PGLS: variants seen among roughly 807,000 people sequenced by gnomAD.
PGLS encodes epididymis secretory protein Li 304.
In PGLS, 21 loss-of-function variants were observed where a neutral mutation model predicts 23.2. That is an observed-to-expected ratio of 0.91 (90% CI 0.64 to 1.31). The LOEUF is 1.31. PGLS is among the 50% of genes most tolerant of loss of function. The probability of loss-of-function intolerance (pLI) is 0.00; values close to 1 mark genes in which losing one functional copy is unlikely to be tolerated. For synonymous variants in PGLS, 179 were observed against 165.4 expected (o/e 1.08, Z -0.63); for missense variants, 410 against 354.0 (o/e 1.16, Z -1.27).
At chr19:17,516,088 T>C in intron 1 of PGLS, 85 bp from the exon 2 acceptor site, 1 of 972,100 alleles carries the variant, frequency 1.0e-6, no homozygotes. Flanking sequence ...TGTAAATGAG[T>C]GTTATGACGG....
Position 17,516,199 on chromosome 19 carries a change from C to T in PGLS, c.315C>T (p.Ile105=), listed in dbSNP as rs1430186559. 3.1e-6 allele frequency: 5 copies of T among 1,614,000 alleles called. No individual in the cohort carries two copies. The East Asian group carries it at 8.9e-5, about 29-fold the overall frequency. Residue 105 remains isoleucine, a synonymous_variant, in exon 2 of 5, where the codon ATC becomes ATT. Coordinates refer to ENST00000252603, the MANE Select transcript of PGLS (RefSeq NM_012088.3). ...YRTHLLSRLP[I]PESQVITINP... ...CGCATCTTCTCTCCAGACTGCCGATCCCAGAAAGCCAGGTGATCACCATTA... is the reference window on the plus strand; with the variant it reads ...CGCATCTTCTCTCCAGACTGCCGATTCCAGAAAGCCAGGTGATCACCATTA...
rs1299996912 is a variant in PGLS at position 17,511,849 on chromosome 19, C to A, written c.177C>A (p.Pro59=). 2 of 1,530,876 alleles carry A rather than the reference C, an allele frequency of 1.3e-6. No homozygotes were observed. Among genetic ancestry groups the A allele is most frequent in the Admixed American group, 4.0e-5 (2 of 50,448 alleles). 94.8% of individuals were successfully genotyped at this position (1,530,876 alleles called of 1,614,324 possible). A position where few individuals can be genotyped will look rare whatever the true frequency, so the allele number is the denominator to read the frequency against. ...SLVSMLAREL[P]AAVAPAGPAS... ...TCTCGATGCTAGCCCGCGAGCTACC[C>A]GCCGCCGTCGCCCCTGCCGGGCCAG... The change falls in exon 1 of 5, where the codon CCC becomes CCA. Residue 59 remains proline, a synonymous_variant. Transcript: ENST00000252603.
In PGLS at chr19:17,516,239, G is replaced by A. The variant is rs758955599; in HGVS notation, c.355G>A (p.Val119Met). 6.2e-7 allele frequency: 1 copy of A among 1,614,002 alleles called. No individual in the cohort carries two copies. The highest frequency in any genetic ancestry group is 1.3e-5 in the African/African-American group (1 of 74,946). Residue 119 changes from valine to methionine, a missense_variant, in exon 2 of 5, where the codon GTG becomes ATG. Transcript: ENST00000252603. ...GATCACCATTAACCCCGAGCTGCCTGTGGAGGAGGCGGCTGAGGACTACGC... is the reference window on the plus strand; with the variant it reads ...GATCACCATTAACCCCGAGCTGCCTATGGAGGAGGCGGCTGAGGACTACGC... ...QVITINPELP[V>M]EEAAEDYAKK...
rs553152110 is a variant in PGLS at position 17,515,381 on chromosome 19, C to T, written c.289-792C>T. 2.6e-5 allele frequency among the ~76,000 whole-genome samples: 4 copies of T among 152,260 alleles called. No individual in the cohort carries two copies. The South Asian group carries it at 8.3e-4, about 32-fold the overall frequency. On this transcript the variant is annotated intron_variant, in intron 1 of 4. Transcript: ENST00000252603. The stretch of plus-strand genomic sequence containing the variant: ...CAAACACGAGGCACCGAGACATGGA[C>T]GCCATCTCAGAGCAGACCAGGGCCC...
intron 4 of PGLS, among the ~76,000 whole-genome samples, chr19:17,520,071 T>G (rs948344626): frequency 4.6e-5 from 7 of 152,162 alleles, no homozygotes; most frequent in African/African-American, 1.7e-4. Flanking sequence ...GAGGATCACT[T>G]GAGCCTCAGA....
In PGLS at chr19:17,511,801, C is replaced by T. The variant is rs1340901369; in HGVS notation, c.129C>T (p.Leu43=). The change falls in exon 1 of 5, where the codon CTC becomes CTT. Residue 43 remains leucine, a synonymous_variant. Coordinates refer to ENST00000252603, the MANE Select transcript of PGLS (RefSeq NM_012088.3). ...CAGGGGCCCGCGCCCGTTTCGCGCT[C>T]GGCCTGTCGGGCGGGAGCCTCGTCT... The part of the protein sequence containing the change: ...CLAGARARFA[L]GLSGGSLVSM... The T allele has an allele frequency of 3.3e-6, 5 of 1,503,884 alleles. No individual in the cohort carries two copies. Among genetic ancestry groups the T allele is most frequent in the South Asian group, 1.2e-5 (1 of 81,002 alleles). The allele number at this position is 1,503,884 out of a possible 1,614,324, so 93.2% of individuals were successfully genotyped here. A position where few individuals can be genotyped will look rare whatever the true frequency, so the allele number is the denominator to read the frequency against.
intron 4 of PGLS, among the ~76,000 whole-genome samples, 165 bp downstream of exon 4, chr19:17,518,015 A>G (rs1568433404): frequency 1.3e-5 from 2 of 152,044 alleles, no homozygotes; most frequent in African/African-American, 2.4e-5. Context: ...AAAGGAAAAA[A>G]AAAAAAAAAA....
At chr19:17,516,729 T>C (rs564091534) in intron 2 of PGLS, among the ~76,000 whole-genome samples, 2 of 151,882 alleles carry the variant, frequency 1.3e-5, no homozygotes, top group South Asian at 4.1e-4. Flanking sequence ...GGACTACGGG[T>C]GCCCGCCACC....
rs2075511432 is a variant in PGLS at position 17,512,166 on chromosome 19, A to G, written c.288+206A>G. ...ACGTGGGTCGCTGGGGGTCATGCCA[A>G]GAGGGCCGCGCCCACCGGTTGCCCT... is the stretch of plus-strand genomic sequence containing the variant. On this transcript the variant is annotated intron_variant, in intron 1 of 4. Transcript: ENST00000252603. 7.1e-6 allele frequency: 4 copies of G among 560,016 alleles called. No homozygotes were observed. The East Asian group carries it at 1.1e-4, about 15-fold the overall frequency. The allele number at this position is 560,016 out of a possible 1,614,324, so 34.7% of individuals were successfully genotyped here. A position where few individuals can be genotyped will look rare whatever the true frequency, so the allele number is the denominator to read the frequency against.
chr19:17,520,731 AAAAT>A (rs536880621), intron 4 of PGLS, among the ~76,000 whole-genome samples: 5 of 152,120 alleles, frequency 3.3e-5, no homozygotes, highest in African/African-American at 9.6e-5. Context: ...ACTCCATCTC[AAAAT>A]AAATAAATAA....
In PGLS at chr19:17,517,823, T is replaced by C. The variant is rs1309338905; in HGVS notation, c.612T>C (p.Thr204=). 6.2e-7 allele frequency: 1 copy of C among 1,613,962 alleles called. No individual in the cohort carries two copies. Among genetic ancestry groups the C allele is most frequent in the East Asian group, 2.2e-5 (1 of 44,890 alleles). The change falls in exon 4 of 5, where the codon ACT becomes ACC. Residue 204 remains threonine (T), a synonymous_variant. Coordinates refer to ENST00000252603, the MANE Select transcript of PGLS (RefSeq NM_012088.3). ...CACGAACTGTCATCTTTGTGGCAAC[T>C]GGAGAAGGCAAGGCAGCTGTTCTGA... ...NAARTVIFVA[T]GEGKAAVLKR...
At chr19:17,516,103 G>A in intron 1 of PGLS, 70 bp from the exon 2 acceptor site, 1 of 1,183,018 alleles carries the variant, frequency 8.5e-7, no homozygotes, top group Non-Finnish European at 1.3e-6. Flanking sequence ...TGACGGTACT[G>A]TCATAAACTC....
intron 4 of PGLS, chr19:17,518,205 G>A (rs1006818275): frequency 1.2e-5 from 2 of 167,228 alleles, no homozygotes; most frequent in African/African-American, 4.8e-5. Flanking sequence ...TTAGAAAAAG[G>A]ACAATAATAT....
rs753771674 is a variant in PGLS at position 17,511,669 on chromosome 19, C to A, written c.-4C>A. 5 of 1,482,954 alleles carry A rather than the reference C, an allele frequency of 3.4e-6. No individual in the cohort carries two copies. In the African/African-American group the frequency reaches 7.4e-5, roughly 22 times the overall value. 91.9% of individuals were successfully genotyped at this position (1,482,954 alleles called of 1,614,324 possible). A position where few individuals can be genotyped will look rare whatever the true frequency, so the allele number is the denominator to read the frequency against. ...GCTTCCTCCTCCCCGCCGCCGCCCT[C>A]GCCATGGCCGCGCCGGCCCCGGGCC... On this transcript the variant is annotated 5_prime_UTR_variant, in exon 1 of 5. Transcript: ENST00000252603.
chr19:17,519,651 C>T (rs563829375), intron 4 of PGLS, among the ~76,000 whole-genome samples: 1 of 152,144 alleles, frequency 6.6e-6, no homozygotes, highest in African/African-American at 2.4e-5. Context: ...CCGCCCCCCT[C>T]GGCCTCCCAA....
At chr19:17,512,053 A>C in intron 1 of PGLS, 93 bp downstream of exon 1, 1 of 1,312,536 alleles carries the variant, frequency 7.6e-7, no homozygotes, top group Non-Finnish European at 1.0e-6. Context: ...GCCATGCCGA[A>C]AGGGCCGCGC....
At position 17,511,968 on chromosome 19, in the gene PGLS, C is replaced by T. The variant is rs1273051967; in HGVS notation, c.288+8C>T. 2.6e-6 allele frequency: 4 copies of T among 1,540,730 alleles called. No individual in the cohort carries two copies. In the African/African-American group the frequency reaches 5.6e-5, roughly 22 times the overall value. ...ACGTACGGCCTCTACCGGGTGAGAG[C>T]TACGGGGGCCGCCGGGGATCACGCC... is the stretch of plus-strand genomic sequence containing the variant. On this transcript the variant is annotated splice_region_variant and intron_variant, in intron 1 of 4. Coordinates refer to ENST00000252603, the MANE Select transcript of PGLS (RefSeq NM_012088.3).
intron 4 of PGLS, chr19:17,520,656 G>A (rs574670133): frequency 7.6e-5 from 18 of 235,856 alleles, no homozygotes; most frequent in African/African-American, 2.5e-4. Context: ...GCTTGAAACC[G>A]GGAGGCGGAG....
intron 1 of PGLS, 186 bp downstream of exon 1, chr19:17,512,146 G>A: frequency 1.6e-6 from 1 of 626,034 alleles, no homozygotes; most frequent in South Asian, 2.2e-5. Context: ...CGGCTACGTG[G>A]GTCGCTGGGG....
Sources: gnomAD v4.1 joint callset for allele counts (sites outside exome capture counted in the v4.1 genomes callset) on GRCh38, gnomAD v4.1.1 for gene constraint, MANE v1.5 for transcripts, NCBI Gene and HGNC (gene_info 2026-07-23, HGNC 2026-07-21) for gene names.